Variants in SLC38A9 observed in about 807,000 individuals in gnomAD.
The protein encoded by SLC38A9 is solute carrier family 38 member 9.
Under a neutral mutation model 62.3 loss-of-function variants are expected in SLC38A9, and 48 were observed. That is an observed-to-expected ratio of 0.77 (90% CI 0.61 to 0.98). SLC38A9 has a LOEUF of 0.98. SLC38A9 is among the 50% of genes least tolerant of loss of function. The pLI, the probability that SLC38A9 is intolerant of heterozygous loss-of-function variation, is 0.00. For missense variants in SLC38A9, 541 were observed against 679.8 expected, an observed-to-expected ratio of 0.80 and a Z score of 2.27; for synonymous variants, 204 against 227.7, an observed-to-expected ratio of 0.90 and a Z score of 0.94.
chr5:55,635,682 A>G lies in SLC38A9; in HGVS notation c.1168-25T>C, dbSNP rs373829901. The G allele has an allele frequency of 4.7e-6, 7 of 1,479,486 alleles. No individual in the cohort carries two copies. In the East Asian group the frequency reaches 1.1e-4, roughly 24 times the overall value. The allele number at this position is 1,479,486 out of a possible 1,614,324, so 91.6% of individuals were successfully genotyped here. ...CCTGTAAATACAGAACAAAAGTCCC[A>G]TAATACTGAAGAACCTTGTAGTAAG... is the stretch of plus-strand genomic sequence containing the variant. On this transcript the variant is annotated intron_variant, in intron 12 of 15. Transcript: ENST00000396865.
chr5:55,669,258 A>G lies in SLC38A9; in HGVS notation c.496T>C (p.Tyr166His). 6.2e-7 allele frequency: 1 copy of G among 1,613,214 alleles called. No individual in the cohort carries two copies. The highest frequency in any genetic ancestry group is 8.5e-7 in the Non-Finnish European group (1 of 1,179,600). The change falls in exon 7 of 16, where the codon TAC becomes CAC. Residue 166 changes from tyrosine (Y) to histidine (H), a missense_variant. Transcript: ENST00000396865. ...LMGLLTLYCCYRVVKSRTMMF... is the reference protein window; with the variant it reads ...LMGLLTLYCCHRVVKSRTMMF... Reference sequence around the variant, plus strand: ...ATAGTCCGTGATTTCACTACTCTGTAGCAGCAATAAAGTGTTAAAAGGCCC... The same window carrying G: ...ATAGTCCGTGATTTCACTACTCTGTGGCAGCAATAAAGTGTTAAAAGGCCC...
chr5:55,627,522 G>C (rs1486617190), intron 15 of SLC38A9, among the ~76,000 whole-genome samples: 1 of 151,984 alleles, frequency 6.6e-6, no homozygotes, highest in African/African-American at 2.4e-5. Context: ...AACTTAGAAT[G>C]GATTAAGGAA....
At chr5:55,678,989 C>G (rs1372655114) in intron 3 of SLC38A9, among the ~76,000 whole-genome samples, 1 of 152,024 alleles carries the variant, frequency 6.6e-6, no homozygotes, top group African/African-American at 2.4e-5. Flanking sequence ...GTTTAAATTA[C>G]TGTGTGACAA....
At position 55,697,924 on chromosome 5, in the gene SLC38A9, C is replaced by A. The variant is rs1277885240; in HGVS notation, c.35G>T (p.Gly12Val). ...ANMNSDSRHLGTSEVDHERDP... is the reference protein window; with the variant it reads ...ANMNSDSRHLVTSEVDHERDP... ...TCTTTCATGATCTACCTCAGAGGTG[C>A]CAAGATGCCTAGAATCACTATTCAT... The change falls in exon 3 of 16, where the codon GGC becomes GTC. Residue 12 changes from glycine (G) to valine (V), a missense_variant. Gly to Val is a moderately radical substitution (Grantham distance 109, BLOSUM62 -3). Transcript: ENST00000396865. 3 of 1,602,560 alleles carry A rather than the reference C, an allele frequency of 1.9e-6. No individual in the cohort carries two copies. Among genetic ancestry groups the A allele is most frequent in the Non-Finnish European group, 2.6e-6 (3 of 1,175,726 alleles).
At chr5:55,705,636 T>A (rs73128015) in intron 2 of SLC38A9, among the ~76,000 whole-genome samples, 4,394 of 152,156 alleles carry the variant, frequency 0.029, 80 homozygotes, top group African/African-American at 0.045. Context: ...AAAAGAAGCA[T>A]CTGAAAATCA....
chr5:55,653,704 G>A (rs954817863), intron 9 of SLC38A9, among the ~76,000 whole-genome samples: 2 of 151,958 alleles, frequency 1.3e-5, no homozygotes, highest in African/African-American at 2.4e-5. Context: ...TGTCACCCAG[G>A]CTGGAGTGCA....
intron 9 of SLC38A9, among the ~76,000 whole-genome samples, chr5:55,653,991 G>T (rs1747974169): frequency 6.6e-6 from 1 of 151,492 alleles, no homozygotes; most frequent in Admixed American, 6.6e-5. Flanking sequence ...ATCTACAAGT[G>T]GCAATTTCTT....
At chr5:55,711,200 C>T (rs566588597) in intron 2 of SLC38A9, among the ~76,000 whole-genome samples, 4 of 150,430 alleles carry the variant, frequency 2.7e-5, no homozygotes, top group African/African-American at 9.8e-5. Context: ...GGGTGAGGCA[C>T]GAGAATCGCT....
chr5:55,637,005 G>A (rs186486149), intron 12 of SLC38A9, among the ~76,000 whole-genome samples: 1 of 152,248 alleles, frequency 6.6e-6, no homozygotes, highest in East Asian at 1.9e-4. Flanking sequence ...TGTGTGGGAT[G>A]AACAGCAATG....
At chr5:55,645,030 C>T (rs1056454280) in intron 12 of SLC38A9, among the ~76,000 whole-genome samples, 1 of 152,092 alleles carries the variant, frequency 6.6e-6, no homozygotes, top group East Asian at 1.9e-4. Context: ...ATCCATGTCC[C>T]TACAAAGGAC....
At chr5:55,671,642 G>A (rs928263832) in intron 4 of SLC38A9, among the ~76,000 whole-genome samples, 1 of 151,936 alleles carries the variant, frequency 6.6e-6, no homozygotes, top group Admixed American at 6.6e-5. Context: ...GAGGTCAGGA[G>A]TTCAAGACCA....
At chr5:55,662,428 T>A (rs749310287) in intron 8 of SLC38A9, among the ~76,000 whole-genome samples, 1 of 151,996 alleles carries the variant, frequency 6.6e-6, no homozygotes, top group Non-Finnish European at 1.5e-5. Flanking sequence ...TCCCAGCACT[T>A]TGGGAGGCTG....
At chr5:55,666,714 C>T (rs537394105) in intron 7 of SLC38A9, among the ~76,000 whole-genome samples, 5 of 151,794 alleles carry the variant, frequency 3.3e-5, no homozygotes, top group South Asian at 2.1e-4. Flanking sequence ...GCCAACATGG[C>T]GAAACACCAT....
chr5:55,655,602 G>A (rs11740070), intron 9 of SLC38A9, among the ~76,000 whole-genome samples: 90,422 of 151,956 alleles, frequency 0.6, 27,571 homozygotes, highest in South Asian at 0.7. Flanking sequence ...TAATTAGGGG[G>A]AAAAGTAAGA....
Position 55,692,871 on chromosome 5 carries a change from TAAGA to T in SLC38A9, c.113+4971_113+4974del, listed in dbSNP as rs977561305. The stretch of plus-strand genomic sequence containing the variant: ...ATTTACTGACATTGGATTATATAAG[TAAGA>T]ATCAAAAGTCTTATTTCATTATCTT... On this transcript the variant is annotated intron_variant, in intron 3 of 15. Coordinates refer to ENST00000396865, the MANE Select transcript of SLC38A9 (RefSeq NM_173514.4). 8.9e-5 allele frequency: 87 copies of T among 979,142 alleles called. No homozygotes were observed. The African/African-American group carries it at 1.5e-3, about 17-fold the overall frequency. 60.7% of individuals were successfully genotyped at this position (979,142 alleles called of 1,614,324 possible).
intron 14 of SLC38A9, among the ~76,000 whole-genome samples, chr5:55,631,041 G>A (rs1743345118): frequency 6.6e-6 from 1 of 152,114 alleles, no homozygotes; most frequent in South Asian, 2.1e-4. Flanking sequence ...GCTGAGGTAG[G>A]AGAATTGCTT....
chr5:55,706,933 A>G (rs1240401386), intron 2 of SLC38A9, among the ~76,000 whole-genome samples: 2 of 151,302 alleles, frequency 1.3e-5, no homozygotes, highest in African/African-American at 4.9e-5. Flanking sequence ...TCAGGTGACA[A>G]CAGATATGCT....
chr5:55,636,033 C>T (rs1744348755), intron 12 of SLC38A9, among the ~76,000 whole-genome samples: 1 of 152,122 alleles, frequency 6.6e-6, no homozygotes, highest in Non-Finnish European at 1.5e-5. Context: ...AGAAAGTAAG[C>T]ATAGCCACTT....
intron 3 of SLC38A9, among the ~76,000 whole-genome samples, chr5:55,677,926 T>TTGTGTGTGTGTGTGTGTGTG (rs10682261): frequency 1.8e-4 from 20 of 112,196 alleles, no homozygotes; most frequent in East Asian, 8.3e-4. Flanking sequence ...TTTTTCTTTA[T>TTGTGTGTGTGTGTGTGTGTG]TGTGTGTGTG....
Sources: gnomAD v4.1 joint callset for allele counts (sites outside exome capture counted in the v4.1 genomes callset) on GRCh38, gnomAD v4.1.1 for gene constraint, MANE v1.5 for transcripts, NCBI Gene and HGNC (gene_info 2026-07-23, HGNC 2026-07-21) for gene names.